Variants in SUCO observed in about 807,000 individuals in gnomAD.
The protein encoded by SUCO is SUN domain-containing ossification factor.
A neutral mutation model predicts 148.1 loss-of-function variants in SUCO; 57 were observed. The observed-to-expected ratio is 0.38, with a 90% CI of 0.31 to 0.48. The LOEUF (loss-of-function observed/expected upper bound fraction) is 0.48. Among genes scored for constraint, SUCO ranks in the 20% least tolerant of loss-of-function variants. The pLI, the probability that SUCO is intolerant of heterozygous loss-of-function variation, is 0.96. For missense variants in SUCO, 1,331 were observed against 1,468.2 expected, an observed-to-expected ratio of 0.91 and a Z score of 1.53; for synonymous variants, 470 against 502.7, an observed-to-expected ratio of 0.93 and a Z score of 0.87.
chr1:172,550,000 G>T (rs747477630), intron 1 of SUCO, among the ~76,000 whole-genome samples: 1 of 151,782 alleles, frequency 6.6e-6, no homozygotes, highest in Non-Finnish European at 1.5e-5. Flanking sequence ...ATTTCTTCTG[G>T]TGTTATTTGG....
intron 22 of SUCO, among the ~76,000 whole-genome samples, chr1:172,606,801 GC>G (rs1454794514): frequency 2.0e-5 from 3 of 151,610 alleles, no homozygotes; most frequent in African/African-American, 7.3e-5. Context: ...TATTCCCTGT[GC>G]CCCAGTCTCT....
At position 172,589,697 on chromosome 1, in the gene SUCO, A is replaced by G. The variant is rs1318195198; in HGVS notation, c.2596A>G (p.Lys866Glu). 6.2e-7 allele frequency: 1 copy of G among 1,613,818 alleles called. No homozygotes were observed. Among genetic ancestry groups the G allele is most frequent in the East Asian group, 2.2e-5 (1 of 44,878 alleles). The change falls in exon 18 of 24, where the codon AAA becomes GAA. Residue 866 changes from lysine to glutamate, a missense_variant. Coordinates refer to ENST00000263688, the MANE Select transcript of SUCO (RefSeq NM_014283.5). ...VVDSSSLPEV[K>E]EEEQSPEDAL... ...GGATTCTTCTTCATTACCTGAAGTAAAAGAAGAAGAACAGTCTCCAGAAGA... is the reference window on the plus strand; with the variant it reads ...GGATTCTTCTTCATTACCTGAAGTAGAAGAAGAAGAACAGTCTCCAGAAGA...
chr1:172,568,394 C>G, intron 6 of SUCO: 7 of 956,064 alleles, frequency 7.3e-6, no homozygotes, highest in Non-Finnish European at 8.6e-6. Flanking sequence ...GCAGATACTT[C>G]TCTCAGTGTG....
chr1:172,583,728 T>C (rs995521405), intron 15 of SUCO, among the ~76,000 whole-genome samples: 1 of 152,182 alleles, frequency 6.6e-6, no homozygotes, highest in Admixed American at 6.5e-5. Flanking sequence ...AGTATTTTAA[T>C]AGTAGGAGTA....
At chr1:172,580,190 TC>T in intron 15 of SUCO, among the ~76,000 whole-genome samples, 1 of 152,272 alleles carries the variant, frequency 6.6e-6, no homozygotes, top group East Asian at 1.9e-4. Context: ...TTCTTTCTCT[TC>T]CTGCCTTCCT....
Position 172,555,876 on chromosome 1 carries a change from A to G in SUCO, c.296A>G (p.Glu99Gly), listed in dbSNP as rs1571203475. The G allele has an allele frequency of 6.2e-7, 1 of 1,609,650 alleles. No individual in the cohort carries two copies. The highest frequency in any genetic ancestry group is 8.5e-7 in the Non-Finnish European group (1 of 1,177,722). Reference protein sequence around the residue: ...DDSIVDVQNTESKKLSPPVVE... With the variant: ...DDSIVDVQNTGSKKLSPPVVE... ...ACTTGTTTTTTTAAACAGAATACAG[A>G]GTCAAAAAAGTTAAGTCCACCGGTG... Residue 99 changes from glutamate (E) to glycine (G), a missense_variant, in exon 4 of 24, where the codon GAG becomes GGG. Glu to Gly is a moderately conservative substitution (Grantham distance 98, BLOSUM62 -2). This residue lies in a region of SUCO where 992 missense variants were observed against 1,093.5 expected (regional missense o/e 0.91). Coordinates refer to ENST00000263688, the MANE Select transcript of SUCO (RefSeq NM_014283.5).
upstream of SUCO, chr1:172,532,557 T>G (rs1429424521): frequency 1.2e-6 from 2 of 1,613,874 alleles, no homozygotes; most frequent in Admixed American, 1.7e-5. Flanking sequence ...GGGAAAGGGC[T>G]TGGTGCAGCT....
intron 19 of SUCO, among the ~76,000 whole-genome samples, chr1:172,599,184 C>T (rs1253196081): frequency 2.6e-5 from 4 of 152,118 alleles, no homozygotes; most frequent in Admixed American, 2.0e-4. Context: ...AAATAATTAG[C>T]CGGGCATAGT....
At chr1:172,583,073 G>A (rs1386739972) in intron 15 of SUCO, among the ~76,000 whole-genome samples, 3 of 152,100 alleles carry the variant, frequency 2.0e-5, no homozygotes, top group Non-Finnish European at 4.4e-5. Flanking sequence ...TTGTGAAGCA[G>A]TCAGTTTTGA....
chr1:172,568,982 A>C (rs1329724358), intron 6 of SUCO, 37 bp from the exon 7 acceptor site: 2 of 1,521,760 alleles, frequency 1.3e-6, no homozygotes. Context: ...TATTATTTGA[A>C]AGTTGAAGTC....
At chr1:172,572,697 A>G (rs988506975) in intron 9 of SUCO, among the ~76,000 whole-genome samples, 2 of 42,062 alleles carry the variant, frequency 4.8e-5, no homozygotes, top group Non-Finnish European at 9.4e-5. Context: ...AATGATCAAT[A>G]AAAAAAAAAA....
chr1:172,562,641 A>G (rs903148334), intron 6 of SUCO, among the ~76,000 whole-genome samples: 21 of 152,330 alleles, frequency 1.4e-4, no homozygotes, highest in African/African-American at 4.3e-4. Flanking sequence ...CAGTTAGACC[A>G]TTCTTTAGAA....
At chr1:172,578,274 CT>C in intron 13 of SUCO, 23 bp from the exon 14 acceptor site, 1 of 1,528,588 alleles carries the variant, frequency 6.5e-7, no homozygotes, top group Non-Finnish European at 9.1e-7. Context: ...TTTTGGAAGT[CT>C]TTAATGAAAT....
At chr1:172,604,429 T>C (rs1036478315) in intron 22 of SUCO, among the ~76,000 whole-genome samples, 2 of 151,974 alleles carry the variant, frequency 1.3e-5, no homozygotes, top group Non-Finnish European at 2.9e-5. Flanking sequence ...CTTGTTGTTA[T>C]GGCATTTATC....
Position 172,589,821 on chromosome 1 carries a change from G to T in SUCO, c.2720G>T (p.Gly907Val). ...TATGCTAATGGAAATCTTGTACATG[G>T]ATCAAACCAAAAGGAGTCAGTATTT... is the stretch of plus-strand genomic sequence containing the variant. ...LGYANGNLVH[G>V]SNQKESVFMR... The change falls in exon 18 of 24, where the codon GGA becomes GTA. Residue 907 changes from glycine to valine, a missense_variant. By Grantham distance (109) the Gly-to-Val change is moderately radical. Around this residue, in one of 3 missense-constraint regions of SUCO, gnomAD observed 992 missense variants for 1,093.5 expected, o/e 0.91. Coordinates refer to ENST00000263688, the MANE Select transcript of SUCO (RefSeq NM_014283.5). 1 of 1,609,680 alleles carries T rather than the reference G, an allele frequency of 6.2e-7. No homozygotes were observed. The highest frequency in any genetic ancestry group is 8.5e-7 in the Non-Finnish European group (1 of 1,178,702).
At chr1:172,600,280 A>G (rs1442146467) in intron 20 of SUCO, 112 bp downstream of exon 20, 2 of 745,926 alleles carry the variant, frequency 2.7e-6, no homozygotes, top group South Asian at 1.9e-5. Flanking sequence ...CAAAATTGTC[A>G]TTTGTAGTGA....
At chr1:172,590,523 T>C (rs1196868046) in intron 18 of SUCO, 1 of 217,886 alleles carries the variant, frequency 4.6e-6, no homozygotes, top group Non-Finnish European at 7.8e-6. Context: ...GTGTGTCCAT[T>C]GTCTGTCCTT....
rs535114884 is a variant in SUCO at position 172,602,241 on chromosome 1, C to T, written c.3173+23C>T. On this transcript the variant is annotated intron_variant, in intron 21 of 23. Transcript: ENST00000263688. ...AAGGTAATATCAGCATTATATTTCA[C>T]AATTTTATTTTTTTTACTATGCTTT... 76 of 1,552,002 alleles carry T rather than the reference C, an allele frequency of 4.9e-5. No individual in the cohort carries two copies. The South Asian group carries it at 7.3e-4, about 15-fold the overall frequency.
At chr1:172,603,275 A>C (rs55738876) in intron 22 of SUCO, 10,720 of 153,246 alleles carry the variant, frequency 0.07, 427 homozygotes, top group Middle Eastern at 0.2. Context: ...AAATACTTAC[A>C]TTTAAATGAA....
Sources: gnomAD v4.1 joint callset for allele counts (sites outside exome capture counted in the v4.1 genomes callset) on GRCh38, gnomAD v4.1.1 for gene constraint, gnomAD v4.1.1 regional missense constraint, MANE v1.5 for transcripts, NCBI Gene and HGNC (gene_info 2026-07-23, HGNC 2026-07-21) for gene names.